DISP3: variants seen among roughly 807,000 people sequenced by gnomAD.
DISP3 encodes the protein protein dispatched homolog 3.
DISP3 carries 101 observed loss-of-function variants against 135.3 expected under a neutral mutation model. The ratio of observed to expected loss-of-function variants is 0.75; its 90% CI spans 0.64 to 0.88. DISP3 has a LOEUF of 0.88. DISP3 is among the 40% of genes least tolerant of loss of function. DISP3 has a pLI of 0.00. For synonymous variants in DISP3, 856 were observed against 817.0 expected (o/e 1.05, Z -0.81); for missense variants, 1,713 against 1,878.6 (o/e 0.91, Z 1.63).
At chr1:11,534,110 C>G (rs977237543) in intron 17 of DISP3, among the ~76,000 whole-genome samples, 11 of 152,360 alleles carry the variant, frequency 7.2e-5, no homozygotes, top group African/African-American at 1.4e-4. Context: ...AGCATGCACT[C>G]TGTGTGGACA....
intron 1 of DISP3, among the ~76,000 whole-genome samples, chr1:11,486,554 C>T (rs1363246827): frequency 6.6e-6 from 1 of 152,144 alleles, no homozygotes; most frequent in Non-Finnish European, 1.5e-5. Flanking sequence ...CAGGAATCTG[C>T]AATGAACAGG....
chr1:11,529,976 G>A lies in DISP3; in HGVS notation c.3102+17G>A, dbSNP rs201567690. 90 of 1,607,242 alleles carry A rather than the reference G, an allele frequency of 5.6e-5. No individual in the cohort carries two copies. Among genetic ancestry groups the A allele is most frequent in the Non-Finnish European group, 6.4e-5 (76 of 1,178,766 alleles). On this transcript the variant is annotated intron_variant, in intron 15 of 20. Transcript: ENST00000294484. The surrounding 1 kb of genome is among the most constrained non-coding windows in gnomAD (Gnocchi z 4.7). ...GGAGACCCGGTACGGGGCATGCGTC[G>A]GGCAGATGCCGAGGGCCCCAGCTGC...
chr1:11,529,454 C>T lies in DISP3; in HGVS notation c.2799-102C>T. 7.3e-6 allele frequency: 10 copies of T among 1,375,640 alleles called. No individual in the cohort carries two copies. Among genetic ancestry groups the T allele is most frequent in the Non-Finnish European group, 8.9e-6 (9 of 1,010,482 alleles). 85.2% of individuals were successfully genotyped at this position (1,375,640 alleles called of 1,614,324 possible). A position where few individuals can be genotyped will look rare whatever the true frequency, so the allele number is the denominator to read the frequency against. On this transcript the variant is annotated intron_variant, in intron 13 of 20. Coordinates refer to ENST00000294484, the MANE Select transcript of DISP3 (RefSeq NM_020780.2). This position sits in a 1 kb window ranked among gnomAD's most constrained non-coding sequence, Gnocchi z 4.7. Reference sequence around the variant, plus strand: ...CGGGGCAGAGCCCGAGTCCAGACCCCATGACACCCCAGCCCCAGTCCCAAC... The same window carrying T: ...CGGGGCAGAGCCCGAGTCCAGACCCTATGACACCCCAGCCCCAGTCCCAAC...
chr1:11,487,722 T>C lies in DISP3; in HGVS notation c.-4+8350T>C, dbSNP rs369754691. Among the ~76,000 whole-genome samples the C allele has an allele frequency of 6.4e-4, 98 of 152,282 alleles. 1 individual carries two copies. In the South Asian group the frequency reaches 0.02, roughly 31 times the overall value. On this transcript the variant is annotated intron_variant, in intron 1 of 20. Coordinates refer to ENST00000294484, the MANE Select transcript of DISP3 (RefSeq NM_020780.2). ...AGTAGAGAGACTGACTCCCTGAGCGTTGCCCTCTCACTGCCTGCCCCACCC... is the reference window on the plus strand; with the variant it reads ...AGTAGAGAGACTGACTCCCTGAGCGCTGCCCTCTCACTGCCTGCCCCACCC...
At position 11,531,761 on chromosome 1, in the gene DISP3, G is replaced by A; in HGVS notation, c.3375+51G>A. ...GCCATGCTGCGTACTTGCCCGGGGTGTGCCACCTCTGATCCCAGCCCTCTT... is the reference window on the plus strand; with the variant it reads ...GCCATGCTGCGTACTTGCCCGGGGTATGCCACCTCTGATCCCAGCCCTCTT... On this transcript the variant is annotated intron_variant, in intron 17 of 20. Coordinates refer to ENST00000294484, the MANE Select transcript of DISP3 (RefSeq NM_020780.2). The surrounding 1 kb of genome is among the most constrained non-coding windows in gnomAD (Gnocchi z 5.2). The A allele has an allele frequency of 1.3e-6, 2 of 1,545,038 alleles. No homozygotes were observed.
chr1:11,509,948 A>C (rs1467134598), intron 3 of DISP3, among the ~76,000 whole-genome samples: 1 of 152,104 alleles, frequency 6.6e-6, no homozygotes, highest in Admixed American at 6.6e-5. Flanking sequence ...AAATACAAAA[A>C]ATTAGCTGGG....
In DISP3 at chr1:11,499,469, A is replaced by G. The variant is rs1404282001; in HGVS notation, c.-3-1521A>G. Among the ~76,000 whole-genome samples, 4 of 152,146 alleles carry G rather than the reference A, an allele frequency of 2.6e-5. No homozygotes were observed. Among genetic ancestry groups the G allele is most frequent in the African/African-American group, 9.7e-5 (4 of 41,426 alleles). On this transcript the variant is annotated intron_variant, in intron 1 of 20. Coordinates refer to ENST00000294484, the MANE Select transcript of DISP3 (RefSeq NM_020780.2). The surrounding 1 kb of genome is among the most constrained non-coding windows in gnomAD (Gnocchi z 5.2). ...AGTGCGAATACAAATCGGGACTCAG[A>G]GCAGTTACCATCCCCTCGGCAAGCT...
Position 11,501,644 on chromosome 1 carries a change from A to T in DISP3, c.652A>T (p.Ser218Cys). 1 of 1,609,594 alleles carries T rather than the reference A, an allele frequency of 6.2e-7. No individual in the cohort carries two copies. Among genetic ancestry groups the T allele is most frequent in the Non-Finnish European group, 8.5e-7 (1 of 1,178,510 alleles). Residue 218 changes from serine to cysteine, a missense_variant, in exon 2 of 21, where the codon AGT (serine) becomes TGT (cysteine). Ser to Cys is a moderately radical substitution (Grantham distance 112, BLOSUM62 -1). Around this residue, in one of 2 missense-constraint regions of DISP3, gnomAD observed 571 missense variants for 494.1 expected, o/e 1.16. Transcript: ENST00000294484. The surrounding 1 kb of genome is among the most constrained non-coding windows in gnomAD (Gnocchi z 4.9). ...PPLEDLAANQ[S>C]EDPRNQRLSK... ...CCTGGAGGATCTGGCAGCCAACCAG[A>T]GTGAAGACCCGCGAAACCAGCGGCT...
intron 13 of DISP3, among the ~76,000 whole-genome samples, chr1:11,528,411 AG>A (rs1201875923): frequency 1.3e-5 from 2 of 152,210 alleles, no homozygotes; most frequent in Non-Finnish European, 2.9e-5. Context: ...TATTAGCCAA[AG>A]GTCTCCTCTC....
Position 11,536,899 on chromosome 1 carries a change from A to G in DISP3, c.*213A>G. Reference sequence around the variant, plus strand: ...CAGCCGCCACCCCACAGGCCGGGCTACTGGCAGCCACACTCGGCTTTTTGC... The same window carrying G: ...CAGCCGCCACCCCACAGGCCGGGCTGCTGGCAGCCACACTCGGCTTTTTGC... On this transcript the variant is annotated 3_prime_UTR_variant, in exon 21 of 21. Transcript: ENST00000294484. This position sits in a 1 kb window ranked among gnomAD's most constrained non-coding sequence, Gnocchi z 4.3. 1.5e-6 allele frequency: 1 copy of G among 660,434 alleles called. No individual in the cohort carries two copies. The highest frequency in any genetic ancestry group is 2.5e-6 in the Non-Finnish European group (1 of 406,154). The allele number at this position is 660,434 out of a possible 1,614,324, so 40.9% of individuals were successfully genotyped here.
At chr1:11,515,335 C>G in intron 4 of DISP3, 34 bp from the exon 5 acceptor site, 1 of 1,613,406 alleles carries the variant, frequency 6.2e-7, no homozygotes, top group Non-Finnish European at 8.5e-7. Flanking sequence ...TGAGGGTCCC[C>G]CCACCGTCTC....
chr1:11,492,039 G>A (rs1311226213), intron 1 of DISP3, among the ~76,000 whole-genome samples: 3 of 145,810 alleles, frequency 2.1e-5, no homozygotes, highest in Non-Finnish European at 4.5e-5. Context: ...GGAGAATGGC[G>A]TGAACCCGGG....
At chr1:11,511,581 A>C (rs1414028124) in intron 3 of DISP3, among the ~76,000 whole-genome samples, 1 of 152,196 alleles carries the variant, frequency 6.6e-6, no homozygotes, top group Non-Finnish European at 1.5e-5. Context: ...CTGTGGCTTT[A>C]CAGGGTACAG....
At chr1:11,530,359 C>T (rs954370741) in intron 15 of DISP3, among the ~76,000 whole-genome samples, 6 of 152,202 alleles carry the variant, frequency 3.9e-5, no homozygotes, top group Non-Finnish European at 8.8e-5. Context: ...TTTGAAAGCA[C>T]TGCTTGAGCC....
chr1:11,530,854 T>C, intron 15 of DISP3, 53 bp from the exon 16 acceptor site: 1 of 1,606,028 alleles, frequency 6.2e-7, no homozygotes, highest in South Asian at 1.1e-5. Flanking sequence ...CACCCAGGAC[T>C]GAGTCCCCGT....
chr1:11,533,079 A>G (rs1642613944), intron 17 of DISP3, among the ~76,000 whole-genome samples: 1 of 151,586 alleles, frequency 6.6e-6, no homozygotes, highest in African/African-American at 2.4e-5. Flanking sequence ...ACCATCATCT[A>G]CTTGCAGAAC....
At chr1:11,521,798 T>G (rs12088927) in intron 10 of DISP3, among the ~76,000 whole-genome samples, 14,190 of 152,112 alleles carry the variant, frequency 0.093, 2,150 homozygotes, top group African/African-American at 0.32. Context: ...AGGAACTAAG[T>G]CTGGCCCAGT....
Position 11,529,526 on chromosome 1 carries a change from G to A in DISP3, c.2799-30G>A. The A allele has an allele frequency of 2.0e-6, 3 of 1,533,362 alleles. No individual in the cohort carries two copies. The highest frequency in any genetic ancestry group is 4.6e-5 in the East Asian group (2 of 43,912). 95.0% of individuals were successfully genotyped at this position (1,533,362 alleles called of 1,614,324 possible). ...CCCCTGACTCCTCCTAGCCTTTCCG[G>A]CCTCAGCCCAGCCTCCATTCCCTCC... On this transcript the variant is annotated intron_variant, in intron 13 of 20. Transcript: ENST00000294484. The surrounding 1 kb of genome is among the most constrained non-coding windows in gnomAD (Gnocchi z 4.7).
rs573844140 is a variant in DISP3, at chr1:11,491,724, C to T, written c.-3-9266C>T. On this transcript the variant is annotated intron_variant, in intron 1 of 20. Coordinates refer to ENST00000294484, the MANE Select transcript of DISP3 (RefSeq NM_020780.2). This position sits in a 1 kb window ranked among gnomAD's most constrained non-coding sequence, Gnocchi z 4.3. ...GAGTATGCCTAGTGACTCCGATTCA[C>T]GTAAAAGTCCAAGGATCTTTGGGGC... Among the ~76,000 whole-genome samples, 4 of 152,288 alleles carry T rather than the reference C, an allele frequency of 2.6e-5. No homozygotes were observed. Among genetic ancestry groups the T allele is most frequent in the East Asian group, 3.9e-4 (2 of 5,176 alleles).
Sources: allele counts gnomAD v4.1 joint callset (sites outside exome capture counted in the v4.1 genomes callset), GRCh38; gene constraint gnomAD v4.1.1; regional missense constraint gnomAD v4.1.1; non-coding constraint Gnocchi (gnomAD v3.1); transcripts MANE v1.5; gene names NCBI Gene and HGNC (gene_info 2026-07-23, HGNC 2026-07-21).